Variants in RBFOX1 observed in about 807,000 individuals in gnomAD.
The protein encoded by RBFOX1 is RNA binding fox-1 homolog 1.
RBFOX1 carries 8 observed loss-of-function variants against 57.7 expected under a neutral mutation model. That is an observed-to-expected ratio of 0.14 (90% CI 0.08 to 0.25). The LOEUF (loss-of-function observed/expected upper bound fraction) is 0.25, where lower values mean the gene tolerates loss of function less well. Ranked by LOEUF, RBFOX1 falls within the 10% of genes least tolerant of loss-of-function variation. The pLI is 1.00. For missense variants in RBFOX1, 611 were observed against 548.5 expected (o/e 1.11, Z -1.14); for synonymous variants, 326 against 222.4 (o/e 1.47, Z -4.15).
intron 3 of RBFOX1, among the ~76,000 whole-genome samples, chr16:6,900,757 C>T (rs1208275856): frequency 1.3e-5 from 2 of 152,154 alleles, no homozygotes; most frequent in East Asian, 3.9e-4. Flanking sequence ...GATCTTCTGT[C>T]TACGTGTAAG....
intron 2 of RBFOX1, among the ~76,000 whole-genome samples, chr16:5,505,628 G>C (rs1485678755): frequency 6.6e-6 from 1 of 152,084 alleles, no homozygotes; most frequent in Non-Finnish European, 1.5e-5. Flanking sequence ...GTCTTCCCTG[G>C]GTGAGTGCCT....
intron 4 of RBFOX1, among the ~76,000 whole-genome samples, chr16:5,993,374 TGTGTGTGTGTGA>T (rs71142663): frequency 3.8e-4 from 13 of 34,522 alleles, no homozygotes; most frequent in East Asian, 9.4e-4. Flanking sequence ...TGTGTGTGTG[TGTGTGTGTGTGA>T]GAGAGAGAGA....
At chr16:7,384,146 A>G (rs930445162) in intron 4 of RBFOX1, among the ~76,000 whole-genome samples, 14 of 151,832 alleles carry the variant, frequency 9.2e-5, no homozygotes, top group Admixed American at 5.3e-4. Flanking sequence ...TTTACGGGAG[A>G]GATATGTATG....
chr16:7,695,389 T>C (rs924974569), intron 14 of RBFOX1, among the ~76,000 whole-genome samples: 1 of 102,432 alleles, frequency 9.8e-6, no homozygotes, highest in African/African-American at 3.4e-5. Flanking sequence ...CATCATCTCC[T>C]ACATGCTGAA....
rs146010688 is a variant in RBFOX1 at position 7,362,772 on chromosome 16, G to A, written c.28-155375G>A. Among the ~76,000 whole-genome samples the A allele has an allele frequency of 6.2e-4, 94 of 152,264 alleles. 1 individual carries two copies. Among genetic ancestry groups the A allele is most frequent in the African/African-American group, 1.8e-3 (75 of 41,552 alleles). The stretch of plus-strand genomic sequence containing the variant: ...TGTATGTTAGTGTATGTTTCTGTGC[G>A]TATATGTGTGTGTGTGCATTTCAAG... On this transcript the variant is annotated intron_variant, in intron 4 of 15. Coordinates refer to ENST00000550418, the MANE Select transcript of RBFOX1 (RefSeq NM_018723.4).
chr16:5,509,398 C>T (rs1302833112), intron 2 of RBFOX1, among the ~76,000 whole-genome samples: 2 of 152,178 alleles, frequency 1.3e-5, no homozygotes, highest in Non-Finnish European at 2.9e-5. Flanking sequence ...CTCTTTCACC[C>T]ATGAACTGTA....
intron 1 of RBFOX1, among the ~76,000 whole-genome samples, chr16:6,142,189 CAAAAAA>C (rs71142685): frequency 4.7e-4 from 23 of 49,092 alleles, no homozygotes; most frequent in African/African-American, 1.5e-3. Context: ...GCTGCTGCTG[CAAAAAA>C]AAAAAAAAAA....
intron 11 of RBFOX1, among the ~76,000 whole-genome samples, chr16:7,652,648 C>T (rs1354246390): frequency 6.6e-6 from 1 of 152,166 alleles, no homozygotes; most frequent in Non-Finnish European, 1.5e-5. Context: ...CCTCATGATC[C>T]ACCTGCCTCA....
At chr16:6,180,962 G>A (rs2097058430) in intron 1 of RBFOX1, among the ~76,000 whole-genome samples, 1 of 152,168 alleles carries the variant, frequency 6.6e-6, no homozygotes, top group Admixed American at 6.5e-5. Context: ...CAGACACCTT[G>A]AGCACTAAGA....
intron 2 of RBFOX1, among the ~76,000 whole-genome samples, chr16:5,564,571 G>C: frequency 6.6e-6 from 1 of 152,112 alleles, no homozygotes; most frequent in Non-Finnish European, 1.5e-5. Context: ...TATTTGCTGG[G>C]AATGGAATGG....
At chr16:7,170,796 T>C (rs1370675403) in intron 4 of RBFOX1, among the ~76,000 whole-genome samples, 1 of 152,176 alleles carries the variant, frequency 6.6e-6, no homozygotes, top group Non-Finnish European at 1.5e-5. Context: ...TGTAGCTTAT[T>C]AAGGTGGTGA....
chr16:5,263,205 G>A (rs111922205), intron 1 of RBFOX1, among the ~76,000 whole-genome samples: 31 of 152,282 alleles, frequency 2.0e-4, no homozygotes, highest in African/African-American at 6.5e-4. Context: ...ACTGCATGGA[G>A]GAGGTAGTTA....
intron 1 of RBFOX1, among the ~76,000 whole-genome samples, chr16:6,245,089 G>A (rs1231734051): frequency 6.6e-6 from 1 of 152,078 alleles, no homozygotes; most frequent in Non-Finnish European, 1.5e-5. Context: ...TATCTTCCCT[G>A]GGATGCAGAA....
At chr16:5,860,147 A>G (rs557481532) in intron 3 of RBFOX1, among the ~76,000 whole-genome samples, 10 of 152,182 alleles carry the variant, frequency 6.6e-5, no homozygotes, top group African/African-American at 2.4e-4. Context: ...CAATGGCATG[A>G]TCTCAACTCA....
chr16:7,555,550 G>A (rs1264093101), intron 5 of RBFOX1, among the ~76,000 whole-genome samples: 1 of 152,142 alleles, frequency 6.6e-6, no homozygotes, highest in East Asian at 1.9e-4. Context: ...TTTGTTTAAA[G>A]CTAAAGTTCT....
chr16:5,717,616 C>A (rs991786385), intron 3 of RBFOX1, among the ~76,000 whole-genome samples: 1 of 152,164 alleles, frequency 6.6e-6, no homozygotes, highest in Non-Finnish European at 1.5e-5. Context: ...GTTTTCCATT[C>A]CTCAGTTACT....
Position 6,202,588 on chromosome 16 carries a change from GA to G in RBFOX1, c.-126-114398del, listed in dbSNP as rs367979554. ...TGGGTCAGTTTCTTTCTTTTATGCT[GA>G]AAAAAAAATCACTTTATTGAGGTAT... On this transcript the variant is annotated intron_variant, in intron 1 of 15. Transcript: ENST00000550418. 3.3e-4 allele frequency among the ~76,000 whole-genome samples: 50 copies of G among 149,932 alleles called. 1 individual carries two copies. Among genetic ancestry groups the G allele is most frequent in the South Asian group, 3.0e-3 (14 of 4,638 alleles).
chr16:5,448,954 G>A (rs556564082), intron 1 of RBFOX1, among the ~76,000 whole-genome samples: 59 of 151,998 alleles, frequency 3.9e-4, no homozygotes, highest in Non-Finnish European at 7.9e-4. Context: ...CAGACCCCCT[G>A]GCTGCCATAA....
chr16:7,362,597 G>A (rs2097350393), intron 4 of RBFOX1, among the ~76,000 whole-genome samples: 1 of 151,864 alleles, frequency 6.6e-6, no homozygotes, highest in Non-Finnish European at 1.5e-5. Flanking sequence ...GTGTGTGGAT[G>A]TTCTTGTGTA....
Sources: gnomAD v4.1 joint callset for allele counts (sites outside exome capture counted in the v4.1 genomes callset) on GRCh38, gnomAD v4.1.1 for gene constraint, MANE v1.5 for transcripts, NCBI Gene and HGNC (gene_info 2026-07-23, HGNC 2026-07-21) for gene names.